The following CHCHD6 variants were observed in gnomAD, a reference collection of about 807,000 sequenced individuals.
The protein encoded by CHCHD6 is coiled-coil-helix-coiled-coil-helix domain containing 6.
In CHCHD6, 28 loss-of-function variants were observed where a neutral mutation model predicts 32.3. The observed-to-expected ratio is 0.87, with a 90% confidence interval of 0.64 to 1.19. The LOEUF (loss-of-function observed/expected upper bound fraction) is 1.19, where lower values mean the gene tolerates loss of function less well. CHCHD6 is among the 50% of genes most tolerant of loss of function. The probability of loss-of-function intolerance (pLI) is 0.00; values close to 1 mark genes in which losing one functional copy is unlikely to be tolerated. For synonymous variants in CHCHD6, 122 were observed against 117.5 expected, an observed-to-expected ratio of 1.04 and a Z score of -0.25; for missense variants, 333 against 307.0, an observed-to-expected ratio of 1.08 and a Z score of -0.63.
rs767930713 is a variant in CHCHD6, at chr3:126,914,703, T to G, written c.519T>G (p.Ser173=). 22 of 1,595,324 alleles carry G rather than the reference T, an allele frequency of 1.4e-5. No homozygotes were observed. The highest frequency in any genetic ancestry group is 1.7e-5 in the Non-Finnish European group (20 of 1,162,818). The change falls in exon 6 of 8, where the codon TCT becomes TCG. Residue 173 remains serine (S), a synonymous_variant. Coordinates refer to ENST00000290913, the MANE Select transcript of CHCHD6 (RefSeq NM_032343.3). The part of the protein sequence containing the change: ...ERKNAEMYKL[S]SEQFHEAASK... ...AGAATGCTGAGATGTATAAACTGTC[T>G]TCAGAGCAATTCCATGAGGCAGCCT... is the stretch of plus-strand genomic sequence containing the variant.
intron 4 of CHCHD6, among the ~76,000 whole-genome samples, chr3:126,825,750 T>A (rs1039855055): frequency 5.3e-5 from 8 of 152,204 alleles, no homozygotes. Context: ...TCATTTTCCA[T>A]CCTTTTTTCA....
intron 4 of CHCHD6, among the ~76,000 whole-genome samples, chr3:126,813,605 G>T (rs1236773574): frequency 6.6e-6 from 1 of 152,190 alleles, no homozygotes; most frequent in East Asian, 1.9e-4. Flanking sequence ...TTTTGGAAAT[G>T]AAGAAACTCA....
intron 4 of CHCHD6, among the ~76,000 whole-genome samples, chr3:126,829,546 T>A (rs1392981717): frequency 6.6e-6 from 1 of 151,874 alleles, no homozygotes; most frequent in Non-Finnish European, 1.5e-5. Flanking sequence ...ACAAAATTCG[T>A]ATGTTGAAGC....
intron 2 of CHCHD6, 143 bp from the exon 3 acceptor site, chr3:126,730,418 C>T (rs922057345): frequency 9.3e-6 from 6 of 645,350 alleles, no homozygotes; most frequent in East Asian, 2.7e-5. Context: ...CCCCTGTGGA[C>T]GCTCCTTTGT....
At chr3:126,745,381 G>A (rs1430655720) in intron 4 of CHCHD6, among the ~76,000 whole-genome samples, 1 of 152,126 alleles carries the variant, frequency 6.6e-6, no homozygotes, top group African/African-American at 2.4e-5. Context: ...ATGTCAAATG[G>A]CACACCTCTC....
chr3:126,886,367 A>C (rs1412678126), intron 5 of CHCHD6, among the ~76,000 whole-genome samples: 1 of 151,966 alleles, frequency 6.6e-6, no homozygotes, highest in Admixed American at 6.5e-5. Context: ...GTGTGATGGG[A>C]TCTCCCCCTC....
rs114434326 is a variant in CHCHD6 at position 126,815,001 on chromosome 3, G to A, written c.412-37646G>A. On this transcript the variant is annotated intron_variant, in intron 4 of 7. Transcript: ENST00000290913. ...GCGTCTGCTGTAGAATTAATTGTTT[G>A]TTTACTGATGGGGAGAAATCCCTAT... Among the ~76,000 whole-genome samples, 930 of 152,306 alleles carry A rather than the reference G, an allele frequency of 6.1e-3. 8 individuals carry two copies. The highest frequency in any genetic ancestry group is 0.021 in the African/African-American group (889 of 41,576).
At position 126,868,447 on chromosome 3, in the gene CHCHD6, TA is replaced by T. The variant is rs201326084; in HGVS notation, c.495+15729del. ...CATGGGGCAGCATTGCTTTTTTTTT[TA>T]AAAAAAAAAAATTGCTTATACTCGT... On this transcript the variant is annotated intron_variant, in intron 5 of 7. Transcript: ENST00000290913. Among the ~76,000 whole-genome samples, 195 of 146,912 alleles carry T rather than the reference TA, an allele frequency of 1.3e-3. 2 individuals are homozygous for T. In the East Asian group the frequency reaches 0.029, roughly 22 times the overall value.
chr3:126,728,142 G>A (rs1935624362), intron 2 of CHCHD6, among the ~76,000 whole-genome samples: 1 of 152,124 alleles, frequency 6.6e-6, no homozygotes. Context: ...TATGAGAGCT[G>A]TATCCTGCCC....
chr3:126,925,280 T>TA (rs2078306678), intron 6 of CHCHD6, among the ~76,000 whole-genome samples: 1 of 152,074 alleles, frequency 6.6e-6, no homozygotes, highest in Non-Finnish European at 1.5e-5. Flanking sequence ...GTTGAAAAGG[T>TA]AAACACACGG....
intron 4 of CHCHD6, among the ~76,000 whole-genome samples, chr3:126,824,021 G>T (rs1261450357): frequency 6.6e-6 from 1 of 152,168 alleles, no homozygotes; most frequent in Non-Finnish European, 1.5e-5. Context: ...GCTACAGTGA[G>T]CTATAATCGC....
chr3:126,866,873 A>G (rs1942306054), intron 5 of CHCHD6, among the ~76,000 whole-genome samples: 1 of 152,168 alleles, frequency 6.6e-6, no homozygotes, highest in Non-Finnish European at 1.5e-5. Flanking sequence ...CATAACTACA[A>G]TGTTATTATC....
intron 4 of CHCHD6, among the ~76,000 whole-genome samples, chr3:126,815,104 C>G (rs1939822408): frequency 6.6e-6 from 1 of 152,152 alleles, no homozygotes; most frequent in African/African-American, 2.4e-5. Flanking sequence ...TTGAGTTTTT[C>G]TTAACAGAAT....
At chr3:126,708,898 T>C (rs1934626535) in intron 1 of CHCHD6, among the ~76,000 whole-genome samples, 1 of 152,170 alleles carries the variant, frequency 6.6e-6, no homozygotes, top group South Asian at 2.1e-4. Flanking sequence ...GGACATTTCG[T>C]AGATAGTCCC....
chr3:126,946,833 G>T (rs998358303), intron 6 of CHCHD6, among the ~76,000 whole-genome samples: 1 of 152,192 alleles, frequency 6.6e-6, no homozygotes, highest in African/African-American at 2.4e-5. Context: ...TAAAAAGCCT[G>T]CTCCATGTAT....
intron 6 of CHCHD6, among the ~76,000 whole-genome samples, chr3:126,943,641 T>G (rs1443003140): frequency 6.6e-6 from 1 of 152,214 alleles, no homozygotes; most frequent in Non-Finnish European, 1.5e-5. Context: ...GAGGACCTCT[T>G]TGGCCTCCTC....
At chr3:126,928,385 C>G (rs538452536) in intron 6 of CHCHD6, among the ~76,000 whole-genome samples, 3 of 152,310 alleles carry the variant, frequency 2.0e-5, no homozygotes, top group Admixed American at 2.0e-4. Flanking sequence ...TGGTTGGGGT[C>G]TCCACCCACC....
At chr3:126,916,071 C>A (rs1397972277) in intron 6 of CHCHD6, among the ~76,000 whole-genome samples, 1 of 151,728 alleles carries the variant, frequency 6.6e-6, no homozygotes, top group African/African-American at 2.4e-5. Flanking sequence ...TGTGGCAGAG[C>A]CATTTAAGAA....
Position 126,783,176 on chromosome 3 carries a change from T to A in CHCHD6, c.411+49954T>A, listed in dbSNP as rs142327173. Among the ~76,000 whole-genome samples, 261 of 152,334 alleles carry A rather than the reference T, an allele frequency of 1.7e-3. 1 individual carries two copies. Among genetic ancestry groups the A allele is most frequent in the African/African-American group, 6.0e-3 (251 of 41,578 alleles). On this transcript the variant is annotated intron_variant, in intron 4 of 7. Transcript: ENST00000290913. ...AAGTGAGATCATGTAGCATTTGTCT[T>A]TCTGTGACTGGCTTATTTCACCTAG...
Sources: allele counts gnomAD v4.1 joint callset (sites outside exome capture counted in the v4.1 genomes callset), GRCh38; gene constraint gnomAD v4.1.1; transcripts MANE v1.5; gene names NCBI Gene and HGNC (gene_info 2026-07-23, HGNC 2026-07-21).